Variants in C16orf96 observed in about 807,000 individuals in gnomAD.
C16orf96 encodes chromosome 16 open reading frame 96.
Under a neutral mutation model 103.6 loss-of-function variants are expected in C16orf96, and 108 were observed. The ratio of observed to expected loss-of-function variants is 1.04; its 90% CI spans 0.89 to 1.22. C16orf96 has a LOEUF of 1.22. C16orf96 is among the 50% of genes most tolerant of loss of function. C16orf96 has a pLI of 0.00. For synonymous variants in C16orf96, 566 were observed against 593.5 expected (o/e 0.95, Z 0.67); for missense variants, 1,586 against 1,464.2 (o/e 1.08, Z -1.36).
At chr16:4,587,248 G>A in intron 8 of C16orf96, 135 bp downstream of exon 8, 4 of 834,686 alleles carry the variant, frequency 4.8e-6, no homozygotes, top group Non-Finnish European at 7.6e-6. Context: ...AGTTGGCTGG[G>A]CGCAGTGGCT....
intron 8 of C16orf96, 64 bp downstream of exon 8, chr16:4,587,177 G>T (rs1896946635): frequency 7.1e-7 from 1 of 1,416,948 alleles, no homozygotes; most frequent in Non-Finnish European, 9.7e-7. Context: ...CACCATCCAG[G>T]CAAAGCCCAC....
chr16:4,594,636 C>A, intron 13 of C16orf96, 68 bp from the exon 14 acceptor site: 1 of 1,540,288 alleles, frequency 6.5e-7, no homozygotes. Flanking sequence ...TGGGCTTCTG[C>A]GTGTACCAAA....
At chr16:4,600,054 A>C (rs1897250756) in intron 15 of C16orf96, 46 bp from the exon 16 acceptor site, 4 of 1,517,110 alleles carry the variant, frequency 2.6e-6, no homozygotes, top group African/African-American at 1.4e-5. Context: ...GTGTCTCCCA[A>C]GAAGGTTCTT....
intron 5 of C16orf96, among the ~76,000 whole-genome samples, chr16:4,576,971 C>A (rs190639118): frequency 4.9e-4 from 75 of 151,810 alleles, no homozygotes; most frequent in African/African-American, 1.7e-3. Flanking sequence ...GTGGGCGGAT[C>A]ACCTGAGACC....
intron 14 of C16orf96, among the ~76,000 whole-genome samples, chr16:4,598,818 A>C (rs923047582): frequency 1.3e-5 from 2 of 151,992 alleles, no homozygotes; most frequent in African/African-American, 4.8e-5. Flanking sequence ...GACACTCTCC[A>C]CTCAAGAAGG....
At chr16:4,570,429 A>T (rs1430199982) in intron 1 of C16orf96, among the ~76,000 whole-genome samples, 3 of 149,758 alleles carry the variant, frequency 2.0e-5, no homozygotes, top group African/African-American at 7.3e-5. Flanking sequence ...AGTGGAAAAA[A>T]ACTCAGTTTC....
intron 9 of C16orf96, 35 bp from the exon 10 acceptor site, chr16:4,591,631 G>A: frequency 6.7e-7 from 1 of 1,496,144 alleles, no homozygotes; most frequent in Non-Finnish European, 9.1e-7. Flanking sequence ...AATTCATAGA[G>A]TATTCTTTCT....
upstream of C16orf96, among the ~76,000 whole-genome samples, chr16:4,555,427 G>T (rs1326430319): frequency 6.6e-6 from 1 of 151,548 alleles, no homozygotes; most frequent in Non-Finnish European, 1.5e-5. Flanking sequence ...AGGCTGGAGT[G>T]CAGTGGCACG....
chr16:4,590,667 G>A (rs1418537271), intron 9 of C16orf96, among the ~76,000 whole-genome samples: 1 of 150,896 alleles, frequency 6.6e-6, no homozygotes, highest in Non-Finnish European at 1.5e-5. Flanking sequence ...GGCAGATCAT[G>A]AAGTCAGGAG....
chr16:4,551,116 A>G, the C16orf96 span, among the ~76,000 whole-genome samples: 1 of 152,152 alleles, frequency 6.6e-6, no homozygotes, highest in African/African-American at 2.4e-5. Flanking sequence ...CGCAATAATA[A>G]AAATAATCAG....
intron 1 of C16orf96, among the ~76,000 whole-genome samples, chr16:4,557,896 C>A (rs1325041497): frequency 6.6e-6 from 1 of 152,166 alleles, no homozygotes. Flanking sequence ...ACTCAAACTC[C>A]TAGGCTCAAG....
At chr16:4,564,222 C>A (rs1047875802) in intron 1 of C16orf96, among the ~76,000 whole-genome samples, 5 of 152,006 alleles carry the variant, frequency 3.3e-5, no homozygotes, top group African/African-American at 1.2e-4. Context: ...TGTTTTTAGC[C>A]TTAAAGTGTT....
upstream of C16orf96, among the ~76,000 whole-genome samples, chr16:4,555,811 C>T (rs969652315): frequency 1.3e-5 from 2 of 151,922 alleles, no homozygotes; most frequent in Non-Finnish European, 2.9e-5. Flanking sequence ...ATCCTCCCAC[C>T]CCATCCTCCT....
At chr16:4,542,289 C>T in the C16orf96 span, among the ~76,000 whole-genome samples, 1 of 151,564 alleles carries the variant, frequency 6.6e-6, no homozygotes. Context: ...CACTTGAGCC[C>T]AGGAGTTTGA....
Position 4,600,328 on chromosome 16 carries a change from G to T in C16orf96, c.*11G>T. 6.8e-7 allele frequency: 1 copy of T among 1,478,924 alleles called. No individual in the cohort carries two copies. The highest frequency in any genetic ancestry group is 9.0e-7 in the Non-Finnish European group (1 of 1,113,522). The allele number at this position is 1,478,924 out of a possible 1,614,324, so 91.6% of individuals were successfully genotyped here. ...CCCGCCAACCCGTGAGCCCCACCCC[G>T]CTGCGCCCCCCATCGCCAAGTCCCC... On this transcript the variant is annotated 3_prime_UTR_variant, in exon 16 of 16. Coordinates refer to ENST00000444310, the MANE Select transcript of C16orf96 (RefSeq NM_001145011.2).
chr16:4,600,493 C>CA lies in C16orf96; in HGVS notation c.*176_*177insA. On this transcript the variant is annotated 3_prime_UTR_variant, in exon 16 of 16. Transcript: ENST00000444310. ...GTCCGAGGCTGAGGCTCATGCGCCCCCCCCCATCCCTACCAAGTCCCCTCC... is the reference window on the plus strand; with the variant it reads ...GTCCGAGGCTGAGGCTCATGCGCCCCACCCCCATCCCTACCAAGTCCCCTCC... 6 of 475,006 alleles carry CA rather than the reference C, an allele frequency of 1.3e-5. No homozygotes were observed. The highest frequency in any genetic ancestry group is 2.3e-5 in the Non-Finnish European group (6 of 263,458). The allele number at this position is 475,006 out of a possible 1,614,324, so 29.4% of individuals were successfully genotyped here. A position where few individuals can be genotyped will look rare whatever the true frequency, so the allele number is the denominator to read the frequency against.
At chr16:4,577,600 G>C (rs933048572) in intron 5 of C16orf96, among the ~76,000 whole-genome samples, 1 of 150,480 alleles carries the variant, frequency 6.6e-6, no homozygotes, top group Non-Finnish European at 1.5e-5. Flanking sequence ...GCAGTGAGCC[G>C]AGATCGTGCC....
intron 1 of C16orf96, among the ~76,000 whole-genome samples, chr16:4,559,502 G>T (rs1440308500): frequency 6.6e-6 from 1 of 151,684 alleles, no homozygotes; most frequent in Non-Finnish European, 1.5e-5. Context: ...AGTGGGCGGA[G>T]ATTGCGCCAC....
chr16:4,544,772 T>C, the C16orf96 span, among the ~76,000 whole-genome samples: 1 of 152,208 alleles, frequency 6.6e-6, no homozygotes, highest in African/African-American at 2.4e-5. Flanking sequence ...GTATTATTTG[T>C]TAGCCTCTGA....
Sources: gnomAD v4.1 joint callset for allele counts (sites outside exome capture counted in the v4.1 genomes callset) on GRCh38, gnomAD v4.1.1 for gene constraint, MANE v1.5 for transcripts, NCBI Gene and HGNC (gene_info 2026-07-23, HGNC 2026-07-21) for gene names.